The following DOK6 variants were observed in gnomAD, a reference collection of about 807,000 sequenced individuals.
DOK6 encodes docking protein 6.
A neutral mutation model predicts 44.0 loss-of-function variants in DOK6; 22 were observed. The ratio of observed to expected loss-of-function variants is 0.50; its 90% CI spans 0.36 to 0.71. The LOEUF (loss-of-function observed/expected upper bound fraction) is 0.71, where lower values mean the gene tolerates loss of function less well. Among genes scored for constraint, DOK6 ranks in the 30% least tolerant of loss-of-function variants. DOK6 has a pLI of 0.00. For synonymous variants in DOK6, 166 were observed against 145.5 expected (o/e 1.14, Z -1.01); for missense variants, 340 against 416.4 (o/e 0.82, Z 1.60).
intron 1 of DOK6, among the ~76,000 whole-genome samples, chr18:69,418,763 T>G (rs1302981400): frequency 6.6e-6 from 1 of 152,096 alleles, no homozygotes; most frequent in Non-Finnish European, 1.5e-5. Context: ...TAAGCCATTA[T>G]GCCTAGCCTG....
intron 3 of DOK6, among the ~76,000 whole-genome samples, chr18:69,619,637 AAATG>A (rs1984394877): frequency 6.6e-6 from 1 of 152,256 alleles, no homozygotes; most frequent in South Asian, 2.1e-4. Context: ...TAAAACAGGA[AAATG>A]AATGAACTAA....
chr18:69,786,200 T>C (rs1454054776), intron 7 of DOK6, among the ~76,000 whole-genome samples: 1 of 152,136 alleles, frequency 6.6e-6, no homozygotes, highest in African/African-American at 2.4e-5. Flanking sequence ...TGACTTACGC[T>C]TAATATAAAA....
chr18:69,433,591 G>A (rs909477775), intron 1 of DOK6, among the ~76,000 whole-genome samples: 1 of 151,796 alleles, frequency 6.6e-6, no homozygotes, highest in Non-Finnish European at 1.5e-5. Flanking sequence ...ACATTGCAGG[G>A]AAGAATTCAG....
At chr18:69,790,739 G>T (rs1333247641) in intron 7 of DOK6, among the ~76,000 whole-genome samples, 1 of 151,820 alleles carries the variant, frequency 6.6e-6, no homozygotes, top group Non-Finnish European at 1.5e-5. Context: ...ATCACATCAG[G>T]GGAGTATTTA....
intron 7 of DOK6, among the ~76,000 whole-genome samples, chr18:69,768,453 G>C (rs1462149380): frequency 6.6e-6 from 1 of 151,552 alleles, no homozygotes; most frequent in Non-Finnish European, 1.5e-5. Context: ...GAAGAACCTA[G>C]AGGGAAAAAT....
At chr18:69,415,158 C>T (rs1978323710) in intron 1 of DOK6, among the ~76,000 whole-genome samples, 1 of 152,040 alleles carries the variant, frequency 6.6e-6, no homozygotes, top group Non-Finnish European at 1.5e-5. Flanking sequence ...TACCAAAAGC[C>T]TCCTGGGACA....
chr18:69,514,839 A>T (rs1053924663), intron 1 of DOK6, among the ~76,000 whole-genome samples: 39 of 121,282 alleles, frequency 3.2e-4, no homozygotes, highest in African/African-American at 9.2e-4. Flanking sequence ...CTCCATATAT[A>T]TTTTTTTTTT....
chr18:69,538,885 T>C (rs1982193036), intron 1 of DOK6, among the ~76,000 whole-genome samples: 1 of 152,110 alleles, frequency 6.6e-6, no homozygotes, highest in South Asian at 2.1e-4. Context: ...CCCTTGATCC[T>C]CCTAGGCTAT....
intron 5 of DOK6, among the ~76,000 whole-genome samples, chr18:69,729,498 T>C (rs1476433725): frequency 7.2e-6 from 1 of 139,856 alleles, no homozygotes; most frequent in Non-Finnish European, 1.6e-5. Flanking sequence ...GACCAGACTT[T>C]AGTATTTTTT....
chr18:69,409,733 T>C (rs1382734917), intron 1 of DOK6, among the ~76,000 whole-genome samples: 1 of 152,098 alleles, frequency 6.6e-6, no homozygotes, highest in African/African-American at 2.4e-5. Flanking sequence ...ATAAAAACTA[T>C]AACTTTAACA....
intron 3 of DOK6, among the ~76,000 whole-genome samples, chr18:69,607,118 C>T (rs1984019615): frequency 6.6e-6 from 1 of 152,148 alleles, no homozygotes; most frequent in African/African-American, 2.4e-5. Context: ...GTTTGTGTCA[C>T]AGTTGCAGAA....
chr18:69,695,319 G>C (rs914347784), intron 4 of DOK6, among the ~76,000 whole-genome samples: 5 of 152,110 alleles, frequency 3.3e-5, no homozygotes, highest in African/African-American at 1.2e-4. Context: ...AAAGCCTCCA[G>C]GTAATTTTAG....
chr18:69,682,351 T>G (rs1239423739), intron 4 of DOK6, among the ~76,000 whole-genome samples: 1 of 152,176 alleles, frequency 6.6e-6, no homozygotes, highest in Non-Finnish European at 1.5e-5. Context: ...AAAATCTCAG[T>G]AGTACAGACC....
rs1273341078 is a variant in DOK6 at position 69,774,336 on chromosome 18, G to T, written c.856+16463G>T. On this transcript the variant is annotated intron_variant, in intron 7 of 7. Coordinates refer to ENST00000382713, the MANE Select transcript of DOK6 (RefSeq NM_152721.6). ...TGCAAAGGCCTAAGAATGACACAAT[G>T]GACTTTGGGGACTCAGGGGAAAAGG... 2.0e-5 allele frequency among the ~76,000 whole-genome samples: 3 copies of T among 151,172 alleles called. No homozygotes were observed. The East Asian group carries it at 5.9e-4, about 30-fold the overall frequency.
At chr18:69,533,071 C>T (rs1383254105) in intron 1 of DOK6, among the ~76,000 whole-genome samples, 3 of 152,032 alleles carry the variant, frequency 2.0e-5, no homozygotes, top group East Asian at 1.9e-4. Flanking sequence ...GAAGGAATAT[C>T]GGTGAAGTAT....
Position 69,505,986 on chromosome 18 carries a change from C to T in DOK6, c.67-58501C>T, listed in dbSNP as rs534223700. Among the ~76,000 whole-genome samples, 92 of 151,432 alleles carry T rather than the reference C, an allele frequency of 6.1e-4. 1 individual carries two copies. Among genetic ancestry groups the T allele is most frequent in the Non-Finnish European group, 1.1e-3 (74 of 67,916 alleles). ...CACATTAAGATAAAAGCAATTATAG[C>T]TAACTGGTGGGATCAGTGTGACAGT... On this transcript the variant is annotated intron_variant, in intron 1 of 7. Coordinates refer to ENST00000382713, the MANE Select transcript of DOK6 (RefSeq NM_152721.6).
chr18:69,671,387 T>C (rs1434847070), intron 3 of DOK6, among the ~76,000 whole-genome samples: 1 of 152,218 alleles, frequency 6.6e-6, no homozygotes, highest in East Asian at 1.9e-4. Flanking sequence ...AAAGATGCAT[T>C]TAGGTGGTAA....
chr18:69,836,486 ATG>A (rs932489901), intron 7 of DOK6, among the ~76,000 whole-genome samples: 8 of 151,812 alleles, frequency 5.3e-5, no homozygotes, highest in African/African-American at 1.7e-4. Flanking sequence ...TAAATGTGAT[ATG>A]TTTTTTTTTT....
intron 1 of DOK6, among the ~76,000 whole-genome samples, chr18:69,457,184 T>C (rs777872396): frequency 2.0e-5 from 3 of 152,216 alleles, no homozygotes; most frequent in Non-Finnish European, 4.4e-5. Flanking sequence ...TTGGTTTTCT[T>C]GCAATTGCTT....
Sources: gnomAD v4.1 joint callset for allele counts (sites outside exome capture counted in the v4.1 genomes callset) on GRCh38, gnomAD v4.1.1 for gene constraint, MANE v1.5 for transcripts, NCBI Gene and HGNC (gene_info 2026-07-23, HGNC 2026-07-21) for gene names.